FOXP2: variants seen among roughly 807,000 people sequenced by gnomAD.
The protein encoded by FOXP2 is forkhead box protein P2.
FOXP2 carries 12 observed loss-of-function variants against 115.8 expected under a neutral mutation model. The observed-to-expected ratio is 0.10, with a 90% CI of 0.07 to 0.17. The LOEUF (loss-of-function observed/expected upper bound fraction) is 0.17. Ranked by LOEUF, FOXP2 falls within the 10% of genes least tolerant of loss-of-function variation. FOXP2 has a pLI of 1.00. For missense variants in FOXP2, 629 were observed against 843.5 expected, an observed-to-expected ratio of 0.75 and a Z score of 3.15; for synonymous variants, 328 against 297.7, an observed-to-expected ratio of 1.10 and a Z score of -1.05.
At chr7:114,413,618 G>C (rs531973742), upstream of FOXP2, among the ~76,000 whole-genome samples, 18 of 152,238 alleles carry the variant, frequency 1.2e-4, no homozygotes, top group African/African-American at 3.8e-4. Context: ...GGGAGGTGGA[G>C]AAATAGTGCA....
chr7:114,348,438 C>T (rs763025864), intron 2 of FOXP2, among the ~76,000 whole-genome samples: 6 of 151,924 alleles, frequency 3.9e-5, no homozygotes, highest in Admixed American at 1.3e-4. Context: ...TGTTCAAATT[C>T]GTCTCCCATA....
chr7:114,544,923 G>C (rs750799826), intron 3 of FOXP2, among the ~76,000 whole-genome samples: 11 of 152,042 alleles, frequency 7.2e-5, no homozygotes, highest in Non-Finnish European at 1.5e-4. Context: ...CAGTCTTAGA[G>C]GATGTTTATA....
chr7:114,459,374 T>A (rs1584761720), intron 2 of FOXP2, among the ~76,000 whole-genome samples: 1 of 152,320 alleles, frequency 6.6e-6, no homozygotes, highest in East Asian at 1.9e-4. Flanking sequence ...GATGGTATGC[T>A]TTTTCATATT....
At chr7:114,377,667 G>A (rs1407527633) in intron 2 of FOXP2, among the ~76,000 whole-genome samples, 1 of 152,226 alleles carries the variant, frequency 6.6e-6, no homozygotes, top group Non-Finnish European at 1.5e-5. Context: ...GGATGGGACA[G>A]TCATAGGATC....
intron 2 of FOXP2, among the ~76,000 whole-genome samples, chr7:114,327,780 G>A (rs886935855): frequency 2.6e-5 from 4 of 151,386 alleles, no homozygotes; most frequent in Non-Finnish European, 5.9e-5. Context: ...GATTACAGGT[G>A]TGAGCCACTG....
chr7:114,252,649 C>A (rs1795482854), intron 1 of FOXP2, among the ~76,000 whole-genome samples: 1 of 152,164 alleles, frequency 6.6e-6, no homozygotes, highest in South Asian at 2.1e-4. Flanking sequence ...TCCCCTTTAT[C>A]ATTTTTTATT....
intron 2 of FOXP2, among the ~76,000 whole-genome samples, chr7:114,533,010 G>T (rs1187422397): frequency 1.3e-5 from 2 of 151,772 alleles, no homozygotes; most frequent in Non-Finnish European, 2.9e-5. Flanking sequence ...TTTTTTGTTT[G>T]TATTTTCAAA....
Position 114,471,272 on chromosome 7 carries a change from C to T in FOXP2, c.168+44593C>T, listed in dbSNP as rs192810478. Among the ~76,000 whole-genome samples the T allele has an allele frequency of 4.0e-4, 61 of 152,234 alleles. 2 individuals carry two copies. The highest frequency in any genetic ancestry group is 3.5e-3 in the Admixed American group (53 of 15,294). On this transcript the variant is annotated intron_variant, in intron 2 of 16. Coordinates refer to ENST00000350908, the MANE Select transcript of FOXP2 (RefSeq NM_014491.4). ...TGAAAAAGATTGACTTAGTTGTGGACTATCTTTAGGTGATGATAAATTTTG... is the reference window on the plus strand; with the variant it reads ...TGAAAAAGATTGACTTAGTTGTGGATTATCTTTAGGTGATGATAAATTTTG...
intron 2 of FOXP2, among the ~76,000 whole-genome samples, chr7:114,530,086 T>G (rs1799067758): frequency 6.6e-6 from 1 of 151,874 alleles, no homozygotes; most frequent in African/African-American, 2.4e-5. Flanking sequence ...TGGTTCTGGT[T>G]ATCTGCAAAG....
At chr7:114,626,034 AG>A (rs946144162) in intron 3 of FOXP2, among the ~76,000 whole-genome samples, 4 of 151,792 alleles carry the variant, frequency 2.6e-5, no homozygotes, top group Non-Finnish European at 4.4e-5. Flanking sequence ...CCTAGAAGGT[AG>A]GCCAGAATCT....
rs1411497893 is a variant in FOXP2, at chr7:114,214,345, C to T, written c.-102+51257C>T. ...CACATTTTTATCCCTAAAATTATGA[C>T]TTAAACAGCAAAAGTAGAATTTACA... On this transcript the variant is annotated intron_variant, in intron 1 of 17. Transcript: ENST00000634411. Among the ~76,000 whole-genome samples, 5 of 152,114 alleles carry T rather than the reference C, an allele frequency of 3.3e-5. No individual in the cohort carries two copies. In the East Asian group the frequency reaches 5.8e-4, roughly 18 times the overall value.
At chr7:114,617,751 C>T (rs1804028269) in intron 3 of FOXP2, among the ~76,000 whole-genome samples, 1 of 152,182 alleles carries the variant, frequency 6.6e-6, no homozygotes, top group Admixed American at 6.5e-5. Flanking sequence ...TGAGATCGTG[C>T]CCTTGCACTC....
At chr7:114,551,750 G>A (rs190971923) in intron 3 of FOXP2, among the ~76,000 whole-genome samples, 2 of 152,104 alleles carry the variant, frequency 1.3e-5, no homozygotes, top group Non-Finnish European at 2.9e-5. Context: ...ACATTAAAAA[G>A]ATTATCATGC....
At chr7:114,193,407 T>C (rs916083417) in intron 1 of FOXP2, among the ~76,000 whole-genome samples, 1 of 151,910 alleles carries the variant, frequency 6.6e-6, no homozygotes, top group Non-Finnish European at 1.5e-5. Flanking sequence ...TTTATGTTAG[T>C]TGTATTCCTA....
At chr7:114,293,812 T>G (rs1301921673) in intron 2 of FOXP2, among the ~76,000 whole-genome samples, 2 of 152,212 alleles carry the variant, frequency 1.3e-5, no homozygotes, top group Non-Finnish European at 2.9e-5. Flanking sequence ...GTGAGTCAAT[T>G]AAACCTGTTT....
At chr7:114,561,673 TTACAC>T (rs1052138774) in intron 3 of FOXP2, among the ~76,000 whole-genome samples, 7 of 152,216 alleles carry the variant, frequency 4.6e-5, no homozygotes, top group Non-Finnish European at 8.8e-5. Flanking sequence ...TTTTAAAACT[TTACAC>T]TAATCCATGA....
intron 3 of FOXP2, among the ~76,000 whole-genome samples, chr7:114,558,179 G>T (rs776666115): frequency 9.9e-5 from 15 of 152,062 alleles, no homozygotes; most frequent in Non-Finnish European, 1.5e-5. Context: ...AATAAAACAC[G>T]TATGAAGTCA....
chr7:114,642,632 C>G lies in FOXP2; in HGVS notation c.989+9C>G, dbSNP rs1437521841. The G allele has an allele frequency of 1.2e-6, 2 of 1,606,990 alleles. No homozygotes were observed. Among genetic ancestry groups the G allele is most frequent in the Admixed American group, 3.3e-5 (2 of 59,948 alleles). On this transcript the variant is annotated intron_variant, in intron 7 of 16. Transcript: ENST00000350908. ...AGTGCAAGACGAGACAGGTAAATCT[C>G]ATGAGCTTTATTCTATATTTATCTA...
At position 114,136,278 on chromosome 7, in the gene FOXP2, A is replaced by G. The variant is rs555619513; in HGVS notation, c.-246-26666A>G. Among the ~76,000 whole-genome samples, 11 of 152,140 alleles carry G rather than the reference A, an allele frequency of 7.2e-5. No homozygotes were observed. In the South Asian group the frequency reaches 1.9e-3, roughly 26 times the overall value. ...TGTTTTTTATTCCTGAAGAACTTCT[A>G]CTCAATACTGATTATATCAACCTTG... On this transcript the variant is annotated intron_variant, in intron 1 of 19. Transcript: ENST00000635638.
Sources: gnomAD v4.1 joint callset for allele counts (sites outside exome capture counted in the v4.1 genomes callset) on GRCh38, gnomAD v4.1.1 for gene constraint, MANE v1.5 for transcripts, NCBI Gene and HGNC (gene_info 2026-07-23, HGNC 2026-07-21) for gene names.